FBXO40: variants seen among roughly 807,000 people sequenced by gnomAD.
The protein encoded by FBXO40 is F-box protein 40.
In FBXO40, 50 loss-of-function variants were observed where a neutral mutation model predicts 49.9. The ratio of observed to expected loss-of-function variants is 1.00; its 90% CI spans 0.80 to 1.27. FBXO40 has a LOEUF of 1.27. Among genes scored for constraint, FBXO40 ranks in the 50% most tolerant of loss-of-function variants. The probability of loss-of-function intolerance (pLI) is 0.00; values close to 1 mark genes in which losing one functional copy is unlikely to be tolerated. For synonymous variants in FBXO40, 340 were observed against 320.2 expected (o/e 1.06, Z -0.66); for missense variants, 895 against 870.1 (o/e 1.03, Z -0.36).
intron 2 of FBXO40, among the ~76,000 whole-genome samples, 182 bp downstream of exon 2, chr3:121,620,760 A>G (rs1198481827): frequency 1.3e-5 from 2 of 152,256 alleles, no homozygotes; most frequent in African/African-American, 2.4e-5. Context: ...AGGGGAAAAC[A>G]GTTGAGAAGG....
chr3:121,594,870 CTAA>C (rs1345168481), intron 1 of FBXO40, among the ~76,000 whole-genome samples: 39 of 152,296 alleles, frequency 2.6e-4, no homozygotes, highest in African/African-American at 8.7e-4. Context: ...AGTAAAATGA[CTAA>C]TGATACTTGA....
chr3:121,594,666 CA>C (rs138863710), intron 1 of FBXO40, among the ~76,000 whole-genome samples: 1,686 of 152,308 alleles, frequency 0.011, 29 homozygotes, highest in African/African-American at 0.038. Context: ...TCAAACTCCG[CA>C]GAGTTTAACA....
intron 1 of FBXO40, among the ~76,000 whole-genome samples, chr3:121,594,511 T>C (rs917806266): frequency 6.6e-5 from 10 of 152,166 alleles, no homozygotes; most frequent in African/African-American, 1.2e-4. Flanking sequence ...AGAATTTCTG[T>C]TTTCTAAAGT....
chr3:121,607,300 CTTT>C (rs555162944), intron 1 of FBXO40, among the ~76,000 whole-genome samples: 6 of 60,126 alleles, frequency 1.0e-4, no homozygotes, highest in Non-Finnish European at 1.7e-4. Flanking sequence ...CTCTAAAGCT[CTTT>C]TTTTTTTTTT....
In FBXO40 at chr3:121,621,331, G is replaced by C. The variant is rs2049028226; in HGVS notation, c.4-102G>C. ...ATTTCAAGGTTTCTACAAAAAGCAG[G>C]TATAAACAGGAAATATGTCAATTAA... On this transcript the variant is annotated intron_variant, in intron 2 of 3. Coordinates refer to ENST00000338040, the MANE Select transcript of FBXO40 (RefSeq NM_016298.4). 5.9e-6 allele frequency: 6 copies of C among 1,010,268 alleles called. No individual in the cohort carries two copies. The South Asian group carries it at 9.9e-5, about 17-fold the overall frequency. 62.6% of individuals were successfully genotyped at this position (1,010,268 alleles called of 1,614,324 possible).
rs141873915 is a variant in FBXO40 at position 121,623,330 on chromosome 3, G to A, written c.1901G>A (p.Arg634Lys). The A allele has an allele frequency of 5.0e-6, 8 of 1,612,870 alleles. No homozygotes were observed. The highest frequency in any genetic ancestry group is 1.7e-4 in the Middle Eastern group (1 of 6,056). Residue 634 changes from arginine (R) to lysine (K), a missense_variant, in exon 3 of 4, where the codon AGA becomes AAA. Arg to Lys is a conservative substitution (Grantham distance 26). Transcript: ENST00000338040. ...KRYSHGGTSW[R>K]VHREIWQFSS... Reference sequence around the variant, plus strand: ...TATTCCCATGGAGGCACCTCCTGGAGAGTCCACAGAGAGGTAAGTAAACAC... The same window carrying A: ...TATTCCCATGGAGGCACCTCCTGGAAAGTCCACAGAGAGGTAAGTAAACAC...
In FBXO40 at chr3:121,599,993, G is replaced by A. The variant is rs552724881; in HGVS notation, c.-31+6491G>A. Among the ~76,000 whole-genome samples the A allele has an allele frequency of 2.1e-4, 32 of 150,802 alleles. No individual in the cohort carries two copies. In the South Asian group the frequency reaches 6.7e-3, roughly 32 times the overall value. On this transcript the variant is annotated intron_variant, in intron 1 of 3. Transcript: ENST00000338040. ...CTGCCTCAGCCTCCCAAAGTGGTGGGATTACAGGCATAAGCCACCATGCCC... is the reference window on the plus strand; with the variant it reads ...CTGCCTCAGCCTCCCAAAGTGGTGGAATTACAGGCATAAGCCACCATGCCC...
intron 1 of FBXO40, among the ~76,000 whole-genome samples, chr3:121,612,742 T>C (rs1266437851): frequency 1.3e-5 from 2 of 152,008 alleles, no homozygotes; most frequent in Non-Finnish European, 2.9e-5. Flanking sequence ...TTTCTGGTCC[T>C]CTCAAAGGAT....
At chr3:121,599,705 CAT>C (rs1191192350) in intron 1 of FBXO40, among the ~76,000 whole-genome samples, 10 of 59,532 alleles carry the variant, frequency 1.7e-4, no homozygotes, top group African/African-American at 4.3e-4. Context: ...CACACACACA[CAT>C]ATATATATAT....
Position 121,627,925 on chromosome 3 carries a change from C to A in FBXO40, c.*1015C>A, listed in dbSNP as rs2049071406. The A allele has an allele frequency of 5.0e-6, 2 of 398,532 alleles. No homozygotes were observed. The highest frequency in any genetic ancestry group is 8.8e-6 in the Non-Finnish European group (2 of 226,120). 24.7% of individuals were successfully genotyped at this position (398,532 alleles called of 1,614,324 possible). A position where few individuals can be genotyped will look rare whatever the true frequency, so the allele number is the denominator to read the frequency against. On this transcript the variant is annotated 3_prime_UTR_variant, in exon 4 of 4. Transcript: ENST00000338040. ...CCAGCTCCTAGACAGCACTTGGGTA[C>A]CCCATTGGGGTCTTGGAGAGGAAGA... is the stretch of plus-strand genomic sequence containing the variant.
chr3:121,618,992 T>TTTTG (rs751073342), intron 1 of FBXO40, among the ~76,000 whole-genome samples: 9 of 151,616 alleles, frequency 5.9e-5, no homozygotes, highest in South Asian at 2.1e-4. Flanking sequence ...TAAAATGGTT[T>TTTTG]TTTGTTTGTT....
At position 121,621,713 on chromosome 3, in the gene FBXO40, G is replaced by T. The variant is rs1377362205; in HGVS notation, c.284G>T (p.Cys95Phe). ...LQVCPASVVCCSMEWNRWPNV... is the reference protein window; with the variant it reads ...LQVCPASVVCFSMEWNRWPNV... The stretch of plus-strand genomic sequence containing the variant: ...GTGTGCCCCGCCAGCGTGGTCTGCT[G>T]CTCCATGGAGTGGAACCGCTGGCCA... The change falls in exon 3 of 4, where the codon TGC (cysteine) becomes TTC (phenylalanine). Residue 95 changes from cysteine to phenylalanine, a missense_variant. Cys to Phe is a radical substitution (Grantham distance 205). Coordinates refer to ENST00000338040, the MANE Select transcript of FBXO40 (RefSeq NM_016298.4). The T allele has an allele frequency of 1.9e-6, 3 of 1,614,226 alleles. No homozygotes were observed. The highest frequency in any genetic ancestry group is 2.2e-5 in the East Asian group (1 of 44,894).
At chr3:121,604,705 A>G (rs2048921937) in intron 1 of FBXO40, among the ~76,000 whole-genome samples, 1 of 152,224 alleles carries the variant, frequency 6.6e-6, no homozygotes, top group South Asian at 2.1e-4. Context: ...GTATCTAATG[A>G]CATTCTGTTT....
Position 121,623,272 on chromosome 3 carries a change from G to A in FBXO40, c.1843G>A (p.Gly615Arg), listed in dbSNP as rs2049044556. ...CTGTGCCACTTTGTTACAAGAGAGA[G>A]GAATGGTCCTTTTGCAATGGAAGAA... Reference protein sequence around the residue: ...NICATLLQERGMVLLQWKKKR... With the variant: ...NICATLLQERRMVLLQWKKKR... Residue 615 changes from glycine (G) to arginine (R), a missense_variant, in exon 3 of 4, where the codon GGA (glycine) becomes AGA (arginine). Coordinates refer to ENST00000338040, the MANE Select transcript of FBXO40 (RefSeq NM_016298.4). 1.2e-6 allele frequency: 2 copies of A among 1,614,184 alleles called. No individual in the cohort carries two copies. Among genetic ancestry groups the A allele is most frequent in the Non-Finnish European group, 1.7e-6 (2 of 1,180,038 alleles).
intron 1 of FBXO40, among the ~76,000 whole-genome samples, chr3:121,599,468 CAA>C (rs35637771): frequency 0.1 from 9,195 of 91,754 alleles, 368 homozygotes; most frequent in South Asian, 0.13. Context: ...GACTCTGACT[CAA>C]AAAAAAAAAA....
Position 121,624,764 on chromosome 3 carries a change from CCTT to C in FBXO40, c.1914+1427_1914+1429del, listed in dbSNP as rs555532217. Among the ~76,000 whole-genome samples the C allele has an allele frequency of 4.4e-4, 67 of 152,262 alleles. No individual in the cohort carries two copies. The South Asian group carries it at 8.9e-3, about 20-fold the overall frequency. On this transcript the variant is annotated intron_variant, in intron 3 of 3. Transcript: ENST00000338040. ...ACTCACTGTGGGATCCAACGACCTT[CCTT>C]CTTCTCCTTCAGGCCCAGGGCATAA...
intron 1 of FBXO40, among the ~76,000 whole-genome samples, chr3:121,609,386 G>T (rs1019071710): frequency 6.6e-6 from 1 of 150,544 alleles, no homozygotes; most frequent in African/African-American, 2.4e-5. Context: ...GGCTAGCAAT[G>T]AGCAAATCAT....
chr3:121,599,245 A>G (rs909650089), intron 1 of FBXO40, among the ~76,000 whole-genome samples: 3 of 152,124 alleles, frequency 2.0e-5, no homozygotes, highest in South Asian at 2.1e-4. Context: ...AGGTGGGCGG[A>G]TCACCTGAGG....
rs2049029060 is a variant in FBXO40, at chr3:121,621,461, A to T, written c.32A>T (p.His11Leu). 3 of 1,614,058 alleles carry T rather than the reference A, an allele frequency of 1.9e-6. No homozygotes were observed. The South Asian group carries it at 3.3e-5, about 18-fold the overall frequency. The change falls in exon 3 of 4, where the codon CAC (histidine) becomes CTC (leucine). Residue 11 changes from histidine (H) to leucine (L), a missense_variant. Physicochemically the swap from His to Leu is moderately conservative, Grantham distance 99 (BLOSUM62 -3). Coordinates refer to ENST00000338040, the MANE Select transcript of FBXO40 (RefSeq NM_016298.4). MGKARRSPPG[H>L]HRHCEGCFNR... ...AAAGCCCGCAGATCCCCGCCAGGGC[A>T]CCACAGGCATTGTGAGGGATGCTTC... is the stretch of plus-strand genomic sequence containing the variant.
Sources: allele counts gnomAD v4.1 joint callset (sites outside exome capture counted in the v4.1 genomes callset), GRCh38; gene constraint gnomAD v4.1.1; transcripts MANE v1.5; gene names NCBI Gene and HGNC (gene_info 2026-07-23, HGNC 2026-07-21).